PCDHA6: variants seen among roughly 807,000 people sequenced by gnomAD.
PCDHA6 encodes protocadherin alpha 6, also known as protocadherin alpha-6.
In PCDHA6, 55 loss-of-function variants were observed where a neutral mutation model predicts 60.3. That is an observed-to-expected ratio of 0.91 (90% CI 0.73 to 1.14). The LOEUF (loss-of-function observed/expected upper bound fraction) is 1.14. PCDHA6 is among the 50% of genes most tolerant of loss of function. The probability of loss-of-function intolerance (pLI) is 0.00; values close to 1 mark genes in which losing one functional copy is unlikely to be tolerated. For synonymous variants in PCDHA6, 652 were observed against 557.9 expected (o/e 1.17, Z -2.38); for missense variants, 1,327 against 1,256.5 (o/e 1.06, Z -0.85).
intron 1 of PCDHA6, chr5:140,884,666 A>C (rs1554181818): frequency 6.4e-7 from 1 of 1,571,180 alleles, no homozygotes; most frequent in African/African-American, 1.4e-5. Flanking sequence ...GAAAGAGGTA[A>C]GCTTATATTT....
intron 1 of PCDHA6, chr5:140,858,309 A>G (rs1276572732): frequency 7.5e-6 from 12 of 1,597,070 alleles, no homozygotes; most frequent in African/African-American, 1.3e-5. Context: ...CAGAGGCGGC[A>G]GAGGGTGTGT....
chr5:141,001,529 A>T (rs1344687772), intron 3 of PCDHA6, among the ~76,000 whole-genome samples: 1 of 152,106 alleles, frequency 6.6e-6, no homozygotes, highest in Non-Finnish European at 1.5e-5. Context: ...TCTCTCTCTG[A>T]TCCTGGACAG....
At chr5:140,918,428 T>C (rs2078691655) in intron 1 of PCDHA6, among the ~76,000 whole-genome samples, 1 of 152,194 alleles carries the variant, frequency 6.6e-6, no homozygotes, top group African/African-American at 2.4e-5. Context: ...AGTAGGATGT[T>C]GAATAGGAGT....
intron 1 of PCDHA6, among the ~76,000 whole-genome samples, chr5:140,873,367 A>G (rs782242904): frequency 2.0e-5 from 3 of 152,174 alleles, no homozygotes; most frequent in Non-Finnish European, 2.9e-5. Context: ...GAATAACTGA[A>G]GATCTTTTAA....
At chr5:141,007,448 G>A (rs555583994) in intron 3 of PCDHA6, among the ~76,000 whole-genome samples, 2 of 150,352 alleles carry the variant, frequency 1.3e-5, no homozygotes, top group African/African-American at 4.9e-5. Context: ...TGTGCCTGTA[G>A]TCCCAGCTAC....
At chr5:140,897,803 C>A (rs1285512803) in intron 1 of PCDHA6, among the ~76,000 whole-genome samples, 2 of 152,130 alleles carry the variant, frequency 1.3e-5, no homozygotes, top group Non-Finnish European at 2.9e-5. Flanking sequence ...AGAGTCCCAC[C>A]AACAGTGTAA....
chr5:140,863,121 G>A, intron 1 of PCDHA6: 2 of 592,122 alleles, frequency 3.4e-6, no homozygotes, highest in South Asian at 2.7e-5. Context: ...CGAAAGCTAC[G>A]CGCCACCGCC....
At position 140,997,506 on chromosome 5, in the gene PCDHA6, T is replaced by A. The variant is rs147089901; in HGVS notation, c.2543-12121T>A. On this transcript the variant is annotated intron_variant, in intron 3 of 3. Coordinates refer to ENST00000529310, the MANE Select transcript of PCDHA6 (RefSeq NM_018909.4). ...AAGTATTTGTGTATCTCAACATACC[T>A]AAACGCAGAAAAAGTACAATAAAAA... Among the ~76,000 whole-genome samples the A allele has an allele frequency of 4.4e-3, 665 of 152,304 alleles. 5 individuals are homozygous for A. Among genetic ancestry groups the A allele is most frequent in the African/African-American group, 0.015 (619 of 41,574 alleles).
intron 1 of PCDHA6, chr5:140,868,886 A>G: frequency 1.4e-6 from 1 of 730,322 alleles, no homozygotes; most frequent in Non-Finnish European, 2.1e-6. Context: ...TCACAGTTTT[A>G]GGCGCAAGGT....
intron 1 of PCDHA6, among the ~76,000 whole-genome samples, chr5:140,840,315 T>C (rs2150305652): frequency 5.9e-5 from 9 of 152,012 alleles, no homozygotes; most frequent in Non-Finnish European, 1.2e-4. Context: ...TTAACTTTGG[T>C]CGACTCATTT....
intron 1 of PCDHA6, chr5:140,860,060 G>A (rs1238594068): frequency 2.0e-5 from 3 of 151,870 alleles, no homozygotes; most frequent in Admixed American, 6.6e-5. Context: ...AGGCCAAGGT[G>A]GGAGGATGGT....
Position 140,834,565 on chromosome 5 carries a change from C to A in PCDHA6, c.2394+4080C>A, listed in dbSNP as rs376907347. 4 of 1,613,968 alleles carry A rather than the reference C, an allele frequency of 2.5e-6. No homozygotes were observed. In the South Asian group the frequency reaches 3.3e-5, roughly 13 times the overall value. On this transcript the variant is annotated intron_variant, in intron 1 of 3. Transcript: ENST00000529310. ...GGGCTGGAGCTGGCGGAGCTGGTGC[C>A]GCGCCTGTTCCGGGCGGTGTGCAAA...
At chr5:140,870,426 C>T in intron 1 of PCDHA6, 2 of 1,614,208 alleles carry the variant, frequency 1.2e-6, no homozygotes, top group South Asian at 2.2e-5. Context: ...CCAGGGTATC[C>T]GTGGAGGTGG....
intron 1 of PCDHA6, chr5:140,852,575 CTTT>C (rs1395261617): frequency 1.3e-6 from 1 of 799,030 alleles, no homozygotes. Context: ...TGTGCCAAGG[CTTT>C]TTTATTTTTT....
rs199727548 is a variant in PCDHA6, at chr5:140,829,646, G to C, written c.1555G>C (p.Ala519Pro). ...SVHAESGKVY[A>P]LQPLDHEELE... ...GCACGCGGAGAGCGGCAAGGTGTAC[G>C]CGCTGCAGCCGCTGGACCACGAGGA... Residue 519 changes from alanine to proline, a missense_variant, in exon 1 of 4, where the codon GCG becomes CCG. Physicochemically the swap from Ala to Pro is conservative, Grantham distance 27 (BLOSUM62 -1). Transcript: ENST00000529310. 1 of 1,612,258 alleles carries C rather than the reference G, an allele frequency of 6.2e-7. No individual in the cohort carries two copies. Among genetic ancestry groups the C allele is most frequent in the Admixed American group, 1.7e-5 (1 of 59,998 alleles).
Position 140,828,939 on chromosome 5 carries a change from G to A in PCDHA6, c.848G>A (p.Ser283Asn). Reference protein sequence around the residue: ...ANGAISYSFNSLVAAMVIDHF... With the variant: ...ANGAISYSFNNLVAAMVIDHF... ...GGGGCAATTTCATATTCTTTTAATAGCCTTGTTGCAGCCATGGTTATTGAC... is the reference window on the plus strand; with the variant it reads ...GGGGCAATTTCATATTCTTTTAATAACCTTGTTGCAGCCATGGTTATTGAC... Residue 283 changes from serine (S) to asparagine (N), a missense_variant, in exon 1 of 4, where the codon AGC becomes AAC. Physicochemically the swap from Ser to Asn is conservative, Grantham distance 46. Transcript: ENST00000529310. The A allele has an allele frequency of 6.2e-7, 1 of 1,614,232 alleles. No individual in the cohort carries two copies. The highest frequency in any genetic ancestry group is 8.5e-7 in the Non-Finnish European group (1 of 1,180,052).
intron 1 of PCDHA6, among the ~76,000 whole-genome samples, chr5:140,878,898 G>A (rs2057763490): frequency 6.6e-6 from 1 of 152,154 alleles, no homozygotes; most frequent in South Asian, 2.1e-4. Flanking sequence ...ACTACAGGCA[G>A]GCTCCACCAC....
intron 1 of PCDHA6, chr5:140,884,043 C>A (rs1196406346): frequency 6.2e-7 from 1 of 1,613,248 alleles, no homozygotes; most frequent in African/African-American, 1.3e-5. Flanking sequence ...CACGTGGTGG[C>A]GAAGGTGCGC....
chr5:140,828,193 C>T lies in PCDHA6; in HGVS notation c.102C>T (p.Ser34=). The T allele has an allele frequency of 6.2e-7, 1 of 1,614,094 alleles. No individual in the cohort carries two copies. Among genetic ancestry groups the T allele is most frequent in the South Asian group, 1.1e-5 (1 of 91,076 alleles). ...TGGGGAGCGGCCAGCTCCACTACTC[C>T]GTACCCGAGGAGGCCAAACACGGCA... ...WKVGSGQLHY[S]VPEEAKHGTF... Residue 34 remains serine, a synonymous_variant, in exon 1 of 4, where the codon TCC becomes TCT. Coordinates refer to ENST00000529310, the MANE Select transcript of PCDHA6 (RefSeq NM_018909.4).
Sources: gnomAD v4.1 joint callset for allele counts (sites outside exome capture counted in the v4.1 genomes callset) on GRCh38, gnomAD v4.1.1 for gene constraint, MANE v1.5 for transcripts, NCBI Gene and HGNC (gene_info 2026-07-23, HGNC 2026-07-21) for gene names.